Variants in NAV3 observed in about 807,000 individuals in gnomAD.
NAV3 encodes the protein pore membrane and/or filament interacting like protein 1.
In NAV3, 87 loss-of-function variants were observed where a neutral mutation model predicts 244.7. The ratio of observed to expected loss-of-function variants is 0.36; its 90% CI spans 0.30 to 0.42. NAV3 has a LOEUF of 0.42. Ranked by LOEUF, NAV3 falls within the 20% of genes least tolerant of loss-of-function variation. The pLI, the probability that NAV3 is intolerant of heterozygous loss-of-function variation, is 1.00. For missense variants in NAV3, 2,663 were observed against 2,893.3 expected (o/e 0.92, Z 1.83); for synonymous variants, 1,126 against 1,042.2 (o/e 1.08, Z -1.55).
At chr12:78,105,953 A>G (rs1009783107) in intron 12 of NAV3, among the ~76,000 whole-genome samples, 3 of 151,432 alleles carry the variant, frequency 2.0e-5, no homozygotes, top group African/African-American at 4.8e-5. Flanking sequence ...CCAGGTTTCT[A>G]TTGTTTCTTC....
At chr12:77,938,824 T>C (rs980858897) in intron 1 of NAV3, among the ~76,000 whole-genome samples, 1 of 151,972 alleles carries the variant, frequency 6.6e-6, no homozygotes, top group African/African-American at 2.4e-5. Context: ...TAGATGAACA[T>C]ACATGAAATG....
At chr12:78,049,970 A>G in intron 9 of NAV3, 23 bp from the exon 10 acceptor site, 1 of 1,555,556 alleles carries the variant, frequency 6.4e-7, no homozygotes, top group Non-Finnish European at 8.8e-7. Context: ...ATGAATAGCA[A>G]ATTTATCATA....
chr12:78,173,381 A>G (rs183265787), intron 24 of NAV3, among the ~76,000 whole-genome samples: 33 of 151,796 alleles, frequency 2.2e-4, no homozygotes, highest in Non-Finnish European at 4.4e-4. Flanking sequence ...AACACAATTT[A>G]TTAATTCTGG....
At chr12:77,867,649 T>C (rs911703572) in intron 1 of NAV3, among the ~76,000 whole-genome samples, 5 of 152,158 alleles carry the variant, frequency 3.3e-5, no homozygotes, top group Non-Finnish European at 5.9e-5. Flanking sequence ...CTCGATCTCC[T>C]GACCTTGTCA....
chr12:78,024,626 C>G (rs1411259776), intron 9 of NAV3, among the ~76,000 whole-genome samples: 1 of 152,122 alleles, frequency 6.6e-6, no homozygotes, highest in East Asian at 1.9e-4. Context: ...TCCCTCCCAA[C>G]CAAATCACTT....
At chr12:78,013,040 A>T (rs564330527) in intron 8 of NAV3, among the ~76,000 whole-genome samples, 35 of 152,246 alleles carry the variant, frequency 2.3e-4, no homozygotes, top group African/African-American at 7.0e-4. Flanking sequence ...ACAAAAAAAA[A>T]TTCTGAAGTC....
intron 2 of NAV3, among the ~76,000 whole-genome samples, chr12:77,606,041 C>T (rs1271649450): frequency 6.6e-6 from 1 of 152,110 alleles, no homozygotes; most frequent in East Asian, 1.9e-4. Flanking sequence ...GTTAATTTTT[C>T]CCTCCCAGAA....
chr12:77,724,241 G>A (rs369315134), intron 2 of NAV3, among the ~76,000 whole-genome samples: 16 of 151,960 alleles, frequency 1.1e-4, no homozygotes, highest in Middle Eastern at 3.4e-3. Flanking sequence ...GGGCACTTAT[G>A]TATTTGTTTA....
chr12:77,760,600 A>G (rs1869412804), intron 2 of NAV3, among the ~76,000 whole-genome samples: 1 of 152,234 alleles, frequency 6.6e-6, no homozygotes, highest in Non-Finnish European at 1.5e-5. Flanking sequence ...TTGCATTGAA[A>G]ATGAACTCCA....
chr12:77,846,628 T>A (rs1876682489), intron 1 of NAV3, among the ~76,000 whole-genome samples: 1 of 152,222 alleles, frequency 6.6e-6, no homozygotes, highest in Non-Finnish European at 1.5e-5. Flanking sequence ...GTTCTAATTT[T>A]ATAGTAGTTG....
intron 1 of NAV3, among the ~76,000 whole-genome samples, chr12:77,868,604 A>G (rs1880441781): frequency 6.6e-6 from 1 of 151,796 alleles, no homozygotes; most frequent in South Asian, 2.1e-4. Flanking sequence ...AAAAGTACAA[A>G]AATAAGCAGG....
rs2136071870 is a variant in NAV3, at chr12:77,831,375, T to C, written c.-87T>C. ...TGACTGCTAGTTTTGTTTAAAGTAT[T>C]TGTTCTGGAAATACTAAAGTTGGAG... On this transcript the variant is annotated 5_prime_UTR_variant, in exon 1 of 40. Transcript: ENST00000397909. 7.3e-7 allele frequency: 1 copy of C among 1,366,734 alleles called. No homozygotes were observed. Among genetic ancestry groups the C allele is most frequent in the Non-Finnish European group, 9.7e-7 (1 of 1,027,594 alleles). 84.7% of individuals were successfully genotyped at this position (1,366,734 alleles called of 1,614,324 possible). A position where few individuals can be genotyped will look rare whatever the true frequency, so the allele number is the denominator to read the frequency against.
intron 2 of NAV3, among the ~76,000 whole-genome samples, chr12:77,672,233 T>A (rs770535): frequency 0.03 from 4,588 of 151,606 alleles, 80 homozygotes; most frequent in Middle Eastern, 0.041. Context: ...AAGCAAAAAA[T>A]AATAAAAAAA....
At chr12:78,013,257 C>A (rs944763922) in intron 8 of NAV3, among the ~76,000 whole-genome samples, 1 of 152,012 alleles carries the variant, frequency 6.6e-6, no homozygotes, top group African/African-American at 2.4e-5. Flanking sequence ...TTTTCATCAT[C>A]CACAATGTGG....
At chr12:77,938,148 C>G (rs750065838) in intron 1 of NAV3, among the ~76,000 whole-genome samples, 48 of 152,114 alleles carry the variant, frequency 3.2e-4, no homozygotes, top group Non-Finnish European at 5.7e-4. Flanking sequence ...CAACTCAAGT[C>G]TGACTTAACC....
At position 78,134,393 on chromosome 12, in the gene NAV3, T is replaced by C. The variant is rs545879769; in HGVS notation, c.4442-2784T>C. Among the ~76,000 whole-genome samples, 264 of 152,330 alleles carry C rather than the reference T, an allele frequency of 1.7e-3. 1 individual carries two copies. Among genetic ancestry groups the C allele is most frequent in the Middle Eastern group, 3.4e-3 (1 of 294 alleles). Reference sequence around the variant, plus strand: ...TACTAAAATCTAGAAATAACACCTTTGAAATTCTTTCTTTAAGAGATCAAA... The same window carrying C: ...TACTAAAATCTAGAAATAACACCTTCGAAATTCTTTCTTTAAGAGATCAAA... On this transcript the variant is annotated intron_variant, in intron 18 of 39. Coordinates refer to ENST00000397909, the MANE Select transcript of NAV3 (RefSeq NM_001024383.2).
intron 8 of NAV3, among the ~76,000 whole-genome samples, chr12:78,014,810 CCTGAAGCTA>C (rs1377932460): frequency 1.3e-5 from 2 of 151,988 alleles, no homozygotes; most frequent in African/African-American, 4.8e-5. Context: ...TTTTGTAAGC[CCTGAAGCTA>C]CTTCTACATA....
chr12:77,750,363 C>A (rs1402703933), intron 2 of NAV3, among the ~76,000 whole-genome samples: 1 of 151,846 alleles, frequency 6.6e-6, no homozygotes, highest in Non-Finnish European at 1.5e-5. Context: ...AAAACAACAA[C>A]AACAAAAATA....
chr12:77,963,981 C>T (rs1892288696), intron 3 of NAV3, among the ~76,000 whole-genome samples: 1 of 144,212 alleles, frequency 6.9e-6, no homozygotes, highest in South Asian at 2.3e-4. Flanking sequence ...CCCCTTCCTC[C>T]TCCCTCCTCC....
Sources: gnomAD v4.1 joint callset for allele counts (sites outside exome capture counted in the v4.1 genomes callset) on GRCh38, gnomAD v4.1.1 for gene constraint, MANE v1.5 for transcripts, NCBI Gene and HGNC (gene_info 2026-07-23, HGNC 2026-07-21) for gene names.